Variants in SH3D19 observed in about 807,000 individuals in gnomAD.
SH3D19 encodes SH3 domain containing 19.
SH3D19 carries 58 observed loss-of-function variants against 112.1 expected under a neutral mutation model. That is an observed-to-expected ratio of 0.52 (90% CI 0.42 to 0.64). The LOEUF is 0.64. Ranked by LOEUF, SH3D19 falls within the 30% of genes least tolerant of loss-of-function variation. The pLI, the probability that SH3D19 is intolerant of heterozygous loss-of-function variation, is 0.00. For missense variants in SH3D19, 1,090 were observed against 1,263.4 expected, an observed-to-expected ratio of 0.86 and a Z score of 2.08; for synonymous variants, 391 against 448.5, an observed-to-expected ratio of 0.87 and a Z score of 1.62.
chr4:151,121,603 A>T lies in SH3D19; in HGVS notation c.*488T>A, dbSNP rs536074075. The T allele has an allele frequency of 6.6e-6, 1 of 152,490 alleles. No individual in the cohort carries two copies. The highest frequency in any genetic ancestry group is 6.5e-5 in the Admixed American group (1 of 15,302). The allele number at this position is 152,490 out of a possible 1,614,324, so 9.4% of individuals were successfully genotyped here. ...ATCTGAAGGAAGGATTTGCTCTGGT[A>T]ATAAGGCTGATATGCTCAAGCTGTA... On this transcript the variant is annotated 3_prime_UTR_variant, in exon 20 of 20. Coordinates refer to ENST00000604030, the MANE Select transcript of SH3D19 (RefSeq NM_001378122.1).
chr4:151,269,140 A>G (rs369502197), intron 1 of SH3D19, among the ~76,000 whole-genome samples: 3 of 152,240 alleles, frequency 2.0e-5, no homozygotes, highest in South Asian at 2.1e-4. Context: ...ATTCTAACTG[A>G]TGTGAGATGG....
chr4:151,269,923 T>A (rs993437818), intron 1 of SH3D19, among the ~76,000 whole-genome samples: 3 of 152,182 alleles, frequency 2.0e-5, no homozygotes, highest in African/African-American at 7.2e-5. Flanking sequence ...AGTATCACTG[T>A]CTTCCACCTC....
At position 151,175,585 on chromosome 4, in the gene SH3D19, C is replaced by G; in HGVS notation, c.619G>C (p.Asp207His). The G allele has an allele frequency of 7.5e-7, 1 of 1,340,404 alleles. No individual in the cohort carries two copies. The allele number at this position is 1,340,404 out of a possible 1,614,324, so 83.0% of individuals were successfully genotyped here. Residue 207 changes from aspartate (D) to histidine (H), a missense_variant, in exon 7 of 20, where the codon GAT becomes CAT. Physicochemically the swap from Asp to His is moderately conservative, Grantham distance 81. Coordinates refer to ENST00000604030, the MANE Select transcript of SH3D19 (RefSeq NM_001378122.1). ...GGACAATTCGGTTCTTCAGAAATAT[C>G]AAAGACGATTAAAGGTGCCACATTT... is the stretch of plus-strand genomic sequence containing the variant. ...PTNVAPLIVF[D>H]ISEEPNCPEN...
At chr4:151,214,341 AACC>A (rs1300157291) in intron 2 of SH3D19, among the ~76,000 whole-genome samples, 2 of 148,640 alleles carry the variant, frequency 1.3e-5, no homozygotes, top group Non-Finnish European at 3.0e-5. Context: ...TATTCCACAA[AACC>A]ACCATTGTCA....
chr4:151,162,444 G>A (rs904365079), intron 8 of SH3D19, among the ~76,000 whole-genome samples: 3 of 151,980 alleles, frequency 2.0e-5, no homozygotes, highest in Non-Finnish European at 4.4e-5. Context: ...ACTAGTTCTT[G>A]GAGCTTTGTC....
Position 151,325,266 on chromosome 4 carries a change from A to G in SH3D19, c.87T>C (p.Arg29=). ...ELGGQRRARG[R]ALSGHSAADR... ...CTGCGGCCGAGTGGCCCGAGAGCGC[A>G]CGGCCCCGGGCGCGGCGCTGGCCAC... Residue 29 remains arginine, a synonymous_variant, in exon 1 of 20, where the codon CGT becomes CGC. Coordinates refer to ENST00000604030, the MANE Select transcript of SH3D19 (RefSeq NM_001378122.1). 2 of 1,221,576 alleles carry G rather than the reference A, an allele frequency of 1.6e-6. No homozygotes were observed. The highest frequency in any genetic ancestry group is 4.1e-5 in the South Asian group (1 of 24,232). 75.7% of individuals were successfully genotyped at this position (1,221,576 alleles called of 1,614,324 possible).
chr4:151,248,148 G>A (rs1205660053), intron 1 of SH3D19, among the ~76,000 whole-genome samples: 1 of 150,084 alleles, frequency 6.7e-6, no homozygotes, highest in African/African-American at 2.5e-5. Context: ...TTTGTTTTTA[G>A]AGATGGGATC....
chr4:151,137,294 T>C (rs1166149927), intron 14 of SH3D19, among the ~76,000 whole-genome samples: 2 of 152,088 alleles, frequency 1.3e-5, no homozygotes, highest in Admixed American at 6.6e-5. Flanking sequence ...AAGATGGAGA[T>C]AAATAAGAAT....
At chr4:151,321,771 T>C (rs527974425) in intron 1 of SH3D19, among the ~76,000 whole-genome samples, 1 of 152,336 alleles carries the variant, frequency 6.6e-6, no homozygotes, top group African/African-American at 2.4e-5. Flanking sequence ...ATGAAAATTA[T>C]CAGGCCCTAT....
intron 19 of SH3D19, among the ~76,000 whole-genome samples, chr4:151,123,136 C>T (rs189721323): frequency 1.4e-4 from 22 of 152,328 alleles, no homozygotes; most frequent in African/African-American, 5.1e-4. Context: ...AGGCGTGAGC[C>T]ACTGCCCCTG....
chr4:151,227,296 AC>A (rs1282268053), intron 1 of SH3D19, among the ~76,000 whole-genome samples: 1 of 152,256 alleles, frequency 6.6e-6, no homozygotes. Flanking sequence ...AACGTATGTA[AC>A]AATTCTTTCT....
intron 2 of SH3D19, among the ~76,000 whole-genome samples, chr4:151,209,071 G>A (rs1765560384): frequency 1.3e-5 from 2 of 152,058 alleles, no homozygotes; most frequent in Non-Finnish European, 2.9e-5. Flanking sequence ...AACCCCAAGA[G>A]ATAGGTACTT....
At chr4:151,295,219 A>G (rs917225568) in intron 1 of SH3D19, among the ~76,000 whole-genome samples, 6 of 152,262 alleles carry the variant, frequency 3.9e-5, no homozygotes, top group Non-Finnish European at 7.3e-5. Context: ...ACAGAAGAGT[A>G]GAGAATCCCA....
At chr4:151,281,945 A>G (rs931570672) in intron 1 of SH3D19, among the ~76,000 whole-genome samples, 14 of 152,126 alleles carry the variant, frequency 9.2e-5, no homozygotes, top group Non-Finnish European at 1.5e-5. Flanking sequence ...CTAGGAAGAG[A>G]CCACAGAAAG....
chr4:151,133,965 GA>G (rs1415750160), intron 15 of SH3D19, among the ~76,000 whole-genome samples: 1 of 152,162 alleles, frequency 6.6e-6, no homozygotes. Flanking sequence ...TGAGGGTTTA[GA>G]AAGGAAGTTT....
At chr4:151,147,886 C>G (rs376582255) in intron 11 of SH3D19, 36 bp downstream of exon 11, 67 of 1,562,594 alleles carry the variant, frequency 4.3e-5, no homozygotes, top group Non-Finnish European at 5.8e-5. Context: ...TAGGGCACAC[C>G]TCTTGACCAC....
intron 11 of SH3D19, chr4:151,144,275 T>C: frequency 1.9e-6 from 3 of 1,614,034 alleles, no homozygotes; most frequent in East Asian, 2.2e-5. Flanking sequence ...GGCAATTCCA[T>C]GAGGCACAGA....
chr4:151,277,126 C>T, intron 1 of SH3D19: 2 of 1,339,948 alleles, frequency 1.5e-6, no homozygotes, highest in Non-Finnish European at 1.9e-6. Flanking sequence ...TCCTGGGAGC[C>T]TGAGTCCAGG....
At position 151,121,906 on chromosome 4, in the gene SH3D19, T is replaced by C. The variant is rs1748024353; in HGVS notation, c.*185A>G. 2 of 477,970 alleles carry C rather than the reference T, an allele frequency of 4.2e-6. No homozygotes were observed. The highest frequency in any genetic ancestry group is 3.5e-5 in the South Asian group (1 of 28,904). 29.6% of individuals were successfully genotyped at this position (477,970 alleles called of 1,614,324 possible). A position where few individuals can be genotyped will look rare whatever the true frequency, so the allele number is the denominator to read the frequency against. ...TAGCTCATGGGTTTCCATGTGCATGTTTCTATTGTAATGAAAATTAACTAC... is the reference window on the plus strand; with the variant it reads ...TAGCTCATGGGTTTCCATGTGCATGCTTCTATTGTAATGAAAATTAACTAC... On this transcript the variant is annotated 3_prime_UTR_variant, in exon 20 of 20. Transcript: ENST00000604030.
Sources: gnomAD v4.1 joint callset for allele counts (sites outside exome capture counted in the v4.1 genomes callset) on GRCh38, gnomAD v4.1.1 for gene constraint, MANE v1.5 for transcripts, NCBI Gene and HGNC (gene_info 2026-07-23, HGNC 2026-07-21) for gene names.